The following ADD3 variants were observed in gnomAD, a reference collection of about 807,000 sequenced individuals.
ADD3 encodes gamma-adducin.
A neutral mutation model predicts 80.2 loss-of-function variants in ADD3; 25 were observed. The observed-to-expected ratio is 0.31, with a 90% confidence interval of 0.23 to 0.44. ADD3 has a LOEUF of 0.44. Ranked by LOEUF, ADD3 falls within the 20% of genes least tolerant of loss-of-function variation. ADD3 has a pLI of 1.00. For synonymous variants in ADD3, 284 were observed against 289.6 expected (o/e 0.98, Z 0.20); for missense variants, 829 against 847.5 (o/e 0.98, Z 0.27).
chr10:110,050,415 CTT>C lies in ADD3; in HGVS notation c.-30+42117_-30+42118del, dbSNP rs1326856374. Among the ~76,000 whole-genome samples, 3 of 151,808 alleles carry C rather than the reference CTT, an allele frequency of 2.0e-5. No individual in the cohort carries two copies. The East Asian group carries it at 5.8e-4, about 29-fold the overall frequency. On this transcript the variant is annotated intron_variant, in intron 1 of 14. Coordinates refer to ENST00000356080, the MANE Select transcript of ADD3 (RefSeq NM_016824.5). The stretch of plus-strand genomic sequence containing the variant: ...CCCTTTAACTTGGCTCTCATTCTCT[CTT>C]GTCTGCCACCATATAAGACATGTCT...
In ADD3 at chr10:110,049,719, C is replaced by G. The variant is rs1249724025; in HGVS notation, c.-30+41420C>G. ...TGGCTAACACGGTGAAACCCCGTCT[C>G]TACTAAAAATACAAAAAATTAGCTG... On this transcript the variant is annotated intron_variant, in intron 1 of 14. Coordinates refer to ENST00000356080, the MANE Select transcript of ADD3 (RefSeq NM_016824.5). 3.3e-5 allele frequency among the ~76,000 whole-genome samples: 5 copies of G among 152,096 alleles called. No homozygotes were observed. The East Asian group carries it at 9.7e-4, about 29-fold the overall frequency.
At chr10:110,005,557 T>C (rs1384438791), upstream of ADD3, among the ~76,000 whole-genome samples, 1 of 152,218 alleles carries the variant, frequency 6.6e-6, no homozygotes, top group Admixed American at 6.5e-5. Context: ...CTTTATATAG[T>C]TATTATTTTA....
At chr10:110,040,001 G>C (rs1296429125) in intron 1 of ADD3, among the ~76,000 whole-genome samples, 1 of 152,124 alleles carries the variant, frequency 6.6e-6, no homozygotes, top group African/African-American at 2.4e-5. Context: ...ATCTCATCTT[G>C]TGAACATACC....
chr10:110,057,661 A>T (rs1332767268), intron 1 of ADD3, among the ~76,000 whole-genome samples: 1 of 152,218 alleles, frequency 6.6e-6, no homozygotes. Context: ...CCACTGCTCT[A>T]GTCAATAAAA....
chr10:110,078,032 A>G (rs1399117603), intron 1 of ADD3, among the ~76,000 whole-genome samples: 2 of 152,192 alleles, frequency 1.3e-5, no homozygotes, highest in Non-Finnish European at 2.9e-5. Context: ...GAAAATGGCT[A>G]ATTTCTGTAA....
chr10:110,123,420 C>T (rs1851755031), intron 9 of ADD3, among the ~76,000 whole-genome samples: 3 of 152,158 alleles, frequency 2.0e-5, no homozygotes, highest in Admixed American at 1.3e-4. Flanking sequence ...ACAGGACATG[C>T]CATCTCGTGC....
Position 110,007,991 on chromosome 10 carries a change from G to T in ADD3, c.-338G>T, listed in dbSNP as rs554530250. 6.6e-6 allele frequency: 1 copy of T among 152,216 alleles called. No individual in the cohort carries two copies. The highest frequency in any genetic ancestry group is 1.5e-5 in the Non-Finnish European group (1 of 68,076). The allele number at this position is 152,216 out of a possible 1,614,324, so 9.4% of individuals were successfully genotyped here. A position where few individuals can be genotyped will look rare whatever the true frequency, so the allele number is the denominator to read the frequency against. ...CGCTCGGCTAGTCCCGCCAGAGCGC[G>T]AGCCGCCAGCCCGTAACGGTCGCCA... On this transcript the variant is annotated 5_prime_UTR_variant, in exon 1 of 15. Coordinates refer to ENST00000356080, the MANE Select transcript of ADD3 (RefSeq NM_016824.5).
At chr10:110,118,439 T>A in intron 5 of ADD3, 148 bp from the exon 6 acceptor site, 1 of 617,108 alleles carries the variant, frequency 1.6e-6, no homozygotes, top group Non-Finnish European at 2.9e-6. Flanking sequence ...AGCTGCAGAT[T>A]TGAGTAATTG....
intron 3 of ADD3, among the ~76,000 whole-genome samples, chr10:110,113,267 T>C (rs1850282144): frequency 6.6e-6 from 1 of 151,952 alleles, no homozygotes; most frequent in African/African-American, 2.4e-5. Flanking sequence ...TTTTTTGTTG[T>C]TGTTTGTTTT....
chr10:110,008,401 GC>G (rs1450093338), intron 1 of ADD3, 102 bp downstream of exon 1: 2 of 152,636 alleles, frequency 1.3e-5, no homozygotes, highest in Non-Finnish European at 2.9e-5. Context: ...ACTGGGGGTC[GC>G]GCGGGGGTAG....
In ADD3 at chr10:110,008,283, C is replaced by G. The variant is rs1295820361; in HGVS notation, c.-46C>G. ...GAAGGAGGGAGGGGAAACACAAAGC[C>G]GGCTACGCGCTGCGAGGTAATCTTG... On this transcript the variant is annotated 5_prime_UTR_variant, in exon 1 of 15. Transcript: ENST00000356080. 6.6e-6 allele frequency: 1 copy of G among 152,220 alleles called. No homozygotes were observed. The highest frequency in any genetic ancestry group is 1.5e-5 in the Non-Finnish European group (1 of 68,070). The allele number at this position is 152,220 out of a possible 1,614,324, so 9.4% of individuals were successfully genotyped here. A position where few individuals can be genotyped will look rare whatever the true frequency, so the allele number is the denominator to read the frequency against.
intron 1 of ADD3, among the ~76,000 whole-genome samples, chr10:110,094,868 C>G (rs1450045208): frequency 1.3e-5 from 2 of 152,128 alleles, no homozygotes. Context: ...GCTTTGCGGT[C>G]TTGGCATATC....
chr10:110,112,984 G>C, intron 3 of ADD3, 69 bp downstream of exon 3: 1 of 1,523,510 alleles, frequency 6.6e-7, no homozygotes, highest in Admixed American at 1.9e-5. Flanking sequence ...TACATCTCTA[G>C]CAGCATATTC....
In ADD3 at chr10:110,116,376, T is replaced by A. The variant is rs752674911; in HGVS notation, c.452T>A (p.Phe151Tyr). ...AGCCTGTACAGACTTGTAGACTTGT[T>A]TGGATGGGCACACCTGGCAAATACC... Reference protein sequence around the residue: ...LASLYRLVDLFGWAHLANTYI... With the variant: ...LASLYRLVDLYGWAHLANTYI... Residue 151 changes from phenylalanine (F) to tyrosine (Y), a missense_variant, in exon 4 of 15, where the codon TTT becomes TAT. By Grantham distance (22) the Phe-to-Tyr change is conservative. Coordinates refer to ENST00000356080, the MANE Select transcript of ADD3 (RefSeq NM_016824.5). 2.5e-6 allele frequency: 4 copies of A among 1,614,170 alleles called. No homozygotes were observed. The South Asian group carries it at 4.4e-5, about 18-fold the overall frequency.
chr10:110,118,311 G>C (rs966514399), intron 5 of ADD3, among the ~76,000 whole-genome samples: 8 of 152,070 alleles, frequency 5.3e-5, no homozygotes, highest in African/African-American at 1.9e-4. Context: ...CCTTTTCTTG[G>C]AAACTGTACT....
intron 12 of ADD3, among the ~76,000 whole-genome samples, chr10:110,126,842 G>A (rs924729236): frequency 3.9e-5 from 6 of 152,114 alleles, no homozygotes; most frequent in African/African-American, 1.2e-4. Flanking sequence ...ACTGCTCCTC[G>A]TCCTCCTTTG....
intron 1 of ADD3, among the ~76,000 whole-genome samples, chr10:110,097,891 C>T (rs1848357378): frequency 6.6e-6 from 1 of 151,752 alleles, no homozygotes; most frequent in South Asian, 2.1e-4. Context: ...TCTCCTGCCT[C>T]AGCCTCCTGA....
intron 9 of ADD3, among the ~76,000 whole-genome samples, chr10:110,123,602 A>T (rs147622219): frequency 6.6e-6 from 1 of 152,120 alleles, no homozygotes; most frequent in Non-Finnish European, 1.5e-5. Context: ...TAAAAGATGT[A>T]TGGTTTGGCA....
Position 110,112,765 on chromosome 10 carries a change from T to G in ADD3, c.196-12T>G. Reference sequence around the variant, plus strand: ...GTCTTGCTTGCTCAGTCTTTATTTTTGTGTATTACAGGCCTTTCGGGAAGA... The same window carrying G: ...GTCTTGCTTGCTCAGTCTTTATTTTGGTGTATTACAGGCCTTTCGGGAAGA... On this transcript the variant is annotated splice_polypyrimidine_tract_variant and intron_variant, in intron 2 of 14. Transcript: ENST00000356080. 2.5e-6 allele frequency: 4 copies of G among 1,607,346 alleles called. No homozygotes were observed. Among genetic ancestry groups the G allele is most frequent in the Non-Finnish European group, 3.4e-6 (4 of 1,177,654 alleles).
Sources: gnomAD v4.1 joint callset for allele counts (sites outside exome capture counted in the v4.1 genomes callset) on GRCh38, gnomAD v4.1.1 for gene constraint, MANE v1.5 for transcripts, NCBI Gene and HGNC (gene_info 2026-07-23, HGNC 2026-07-21) for gene names.